Variants in CSMD1 observed in about 807,000 individuals in gnomAD.
CSMD1 encodes CUB and sushi domain-containing protein 1.
In CSMD1, 213 loss-of-function variants were observed where a neutral mutation model predicts 417.5. The observed-to-expected ratio is 0.51, with a 90% CI of 0.46 to 0.57. CSMD1 has a LOEUF of 0.57. Ranked by LOEUF, CSMD1 falls within the 20% of genes least tolerant of loss-of-function variation. CSMD1 has a pLI of 0.00. For missense variants in CSMD1, 6,923 were observed against 4,529.7 expected (o/e 1.53, Z -15.17); for synonymous variants, 2,862 against 1,736.8 (o/e 1.65, Z -16.11).
chr8:4,309,385 G>C (rs1323584972), intron 3 of CSMD1, among the ~76,000 whole-genome samples: 1 of 152,016 alleles, frequency 6.6e-6, no homozygotes, highest in African/African-American at 2.4e-5. Context: ...GTCCCTTAGA[G>C]AAGACCCTCA....
At chr8:3,209,381 A>G (rs1797476883) in intron 30 of CSMD1, among the ~76,000 whole-genome samples, 1 of 152,096 alleles carries the variant, frequency 6.6e-6, no homozygotes, top group Admixed American at 6.6e-5. Context: ...CAGTGGCGTG[A>G]TCTCGGCTCA....
chr8:4,796,679 T>C (rs1225974423), intron 1 of CSMD1, among the ~76,000 whole-genome samples: 1 of 152,134 alleles, frequency 6.6e-6, no homozygotes, highest in Admixed American at 6.5e-5. Flanking sequence ...CAACTCAACG[T>C]GGTGGACTCA....
intron 7 of CSMD1, among the ~76,000 whole-genome samples, chr8:3,673,995 G>A (rs1023681438): frequency 6.6e-6 from 1 of 152,128 alleles, no homozygotes; most frequent in East Asian, 1.9e-4. Flanking sequence ...GCACATGCCT[G>A]TGGTCCCAGC....
At chr8:3,457,354 A>G (rs545576043) in intron 12 of CSMD1, among the ~76,000 whole-genome samples, 2 of 152,256 alleles carry the variant, frequency 1.3e-5, no homozygotes, top group African/African-American at 4.8e-5. Flanking sequence ...GAAGCTGCCT[A>G]ACTTCTTCAG....
intron 7 of CSMD1, among the ~76,000 whole-genome samples, chr8:3,679,684 C>G (rs1161440525): frequency 6.6e-6 from 1 of 152,166 alleles, no homozygotes; most frequent in African/African-American, 2.4e-5. Context: ...ACCAAGCAGA[C>G]CTAATAGACA....
Position 4,277,328 on chromosome 8 carries a change from C to A in CSMD1, c.415+142625G>T, listed in dbSNP as rs117985248. Among the ~76,000 whole-genome samples the A allele has an allele frequency of 3.7e-3, 559 of 152,142 alleles. 11 individuals are homozygous for A. Among genetic ancestry groups the A allele is most frequent in the South Asian group, 0.036 (172 of 4,816 alleles). ...CACTGAAGGGAACGGGACTGACTTC[C>A]CTTGGATTTCTGACCTTTCACTCCT... On this transcript the variant is annotated intron_variant, in intron 3 of 69. Coordinates refer to ENST00000635120, the MANE Select transcript of CSMD1 (RefSeq NM_033225.6).
At chr8:4,165,439 C>G (rs968416483) in intron 3 of CSMD1, among the ~76,000 whole-genome samples, 3 of 152,190 alleles carry the variant, frequency 2.0e-5, no homozygotes, top group Admixed American at 2.0e-4. Flanking sequence ...TGGTGTCATG[C>G]TATGTCGCCC....
chr8:4,914,573 C>T (rs995721441), intron 1 of CSMD1, among the ~76,000 whole-genome samples: 9 of 108,682 alleles, frequency 8.3e-5, no homozygotes, highest in African/African-American at 3.4e-4. Flanking sequence ...GAGACTCCAT[C>T]TCCCAAAAAG....
intron 1 of CSMD1, among the ~76,000 whole-genome samples, chr8:4,760,234 AT>A (rs1585054959): frequency 6.6e-6 from 1 of 152,198 alleles, no homozygotes; most frequent in East Asian, 1.9e-4. Context: ...TATATGCACT[AT>A]TTTTAGAGTA....
intron 3 of CSMD1, among the ~76,000 whole-genome samples, chr8:4,222,010 A>G (rs944596293): frequency 6.6e-6 from 1 of 151,754 alleles, no homozygotes; most frequent in Non-Finnish European, 1.5e-5. Context: ...CCTACACCAC[A>G]TAAACCTGTA....
chr8:3,790,580 TTA>T (rs1799680762), intron 5 of CSMD1, among the ~76,000 whole-genome samples: 2 of 152,296 alleles, frequency 1.3e-5, no homozygotes, highest in Middle Eastern at 3.4e-3. Flanking sequence ...TAATTTTTTT[TTA>T]TGTTTTTGGC....
intron 7 of CSMD1, among the ~76,000 whole-genome samples, chr8:3,692,262 G>T (rs540960724): frequency 2.6e-5 from 4 of 152,170 alleles, no homozygotes; most frequent in Non-Finnish European, 2.9e-5. Context: ...GCTATCCTGC[G>T]ATTTCACCAG....
chr8:4,170,942 C>T (rs533063352), intron 3 of CSMD1, among the ~76,000 whole-genome samples: 14 of 151,982 alleles, frequency 9.2e-5, no homozygotes, highest in African/African-American at 2.4e-4. Flanking sequence ...AGCTGTGTTA[C>T]GCAAATGTCA....
chr8:3,439,154 C>CAAAGAAAAAAAA (rs1563390150), intron 12 of CSMD1, among the ~76,000 whole-genome samples: 2 of 26,618 alleles, frequency 7.5e-5, no homozygotes, highest in East Asian at 1.4e-3. Context: ...AAAAAAAAAC[C>CAAAGAAAAAAAA]AAGAAAAAAA....
At chr8:3,706,370 A>G (rs1161134322) in intron 7 of CSMD1, among the ~76,000 whole-genome samples, 3 of 152,234 alleles carry the variant, frequency 2.0e-5, no homozygotes, top group Admixed American at 6.5e-5. Flanking sequence ...CAGTGAAACA[A>G]TTTCATTTTC....
intron 5 of CSMD1, among the ~76,000 whole-genome samples, chr8:3,886,013 G>C (rs146396468): frequency 1.6e-3 from 245 of 151,626 alleles, no homozygotes; most frequent in African/African-American, 5.6e-3. Context: ...ATATATATGT[G>C]TACATATATA....
At chr8:4,720,156 T>C (rs902635030) in intron 1 of CSMD1, among the ~76,000 whole-genome samples, 3 of 127,582 alleles carry the variant, frequency 2.4e-5, no homozygotes, top group South Asian at 2.8e-4. Flanking sequence ...GCTAGACGTA[T>C]ACATACATAT....
intron 3 of CSMD1, among the ~76,000 whole-genome samples, chr8:4,085,539 C>G (rs958817634): frequency 6.6e-6 from 1 of 152,060 alleles, no homozygotes; most frequent in Non-Finnish European, 1.5e-5. Flanking sequence ...TTCTTTGTAA[C>G]CCTAATAAGC....
chr8:4,074,232 AC>A (rs999253274), intron 3 of CSMD1, among the ~76,000 whole-genome samples: 1 of 152,038 alleles, frequency 6.6e-6, no homozygotes, highest in Non-Finnish European at 1.5e-5. Context: ...GCTTTTTGTA[AC>A]CCCAGAGAAA....
Sources: gnomAD v4.1 joint callset for allele counts (sites outside exome capture counted in the v4.1 genomes callset) on GRCh38, gnomAD v4.1.1 for gene constraint, MANE v1.5 for transcripts, NCBI Gene and HGNC (gene_info 2026-07-23, HGNC 2026-07-21) for gene names.